SORCS2: variants seen among roughly 807,000 people sequenced by gnomAD.
The protein encoded by SORCS2 is VPS10 domain-containing receptor SorCS2.
Under a neutral mutation model 141.6 loss-of-function variants are expected in SORCS2, and 100 were observed. That is an observed-to-expected ratio of 0.71 (90% CI 0.60 to 0.83). SORCS2 has a LOEUF of 0.83. Ranked by LOEUF, SORCS2 falls within the 40% of genes least tolerant of loss-of-function variation. The probability of loss-of-function intolerance (pLI) is 0.00; values close to 1 mark genes in which losing one functional copy is unlikely to be tolerated. For missense variants in SORCS2, 1,646 were observed against 1,560.2 expected, an observed-to-expected ratio of 1.05 and a Z score of -0.93; for synonymous variants, 789 against 676.9, an observed-to-expected ratio of 1.17 and a Z score of -2.57.
At chr4:7,465,685 G>A (rs755931094) in intron 2 of SORCS2, among the ~76,000 whole-genome samples, 1 of 152,144 alleles carries the variant, frequency 6.6e-6, no homozygotes, top group Non-Finnish European at 1.5e-5. Flanking sequence ...TTCATACATG[G>A]TCCTACTCAC....
intron 1 of SORCS2, among the ~76,000 whole-genome samples, chr4:7,329,663 C>T (rs188724513): frequency 9.6e-4 from 146 of 152,282 alleles, no homozygotes; most frequent in Non-Finnish European, 1.6e-3. Flanking sequence ...AACAAATGCC[C>T]GCAAACTTAC....
intron 3 of SORCS2, among the ~76,000 whole-genome samples, chr4:7,612,199 C>T (rs1447872741): frequency 6.6e-6 from 1 of 152,152 alleles, no homozygotes. Flanking sequence ...GAGTTTCATC[C>T]TGAAAACAAT....
chr4:7,475,162 G>A (rs565889083), intron 2 of SORCS2, among the ~76,000 whole-genome samples: 8 of 152,328 alleles, frequency 5.3e-5, no homozygotes, highest in Non-Finnish European at 8.8e-5. Context: ...ATTCCTTTGA[G>A]AAGTGGATCC....
chr4:7,344,112 A>G (rs1032954145), intron 1 of SORCS2, among the ~76,000 whole-genome samples: 1 of 152,060 alleles, frequency 6.6e-6, no homozygotes, highest in African/African-American at 2.4e-5. Context: ...GGAACCTGAC[A>G]CCCTGCTCTG....
At chr4:7,617,354 G>A (rs1229655552) in intron 3 of SORCS2, among the ~76,000 whole-genome samples, 1 of 151,998 alleles carries the variant, frequency 6.6e-6, no homozygotes. Context: ...ATCAATATAT[G>A]CACCTACCCA....
At chr4:7,731,530 A>T (rs1156785208) in intron 23 of SORCS2, among the ~76,000 whole-genome samples, 1 of 152,246 alleles carries the variant, frequency 6.6e-6, no homozygotes, top group Non-Finnish European at 1.5e-5. Context: ...GCAAAAAGAA[A>T]AAAGCTGGAA....
At chr4:7,220,107 T>C (rs1184551123) in intron 1 of SORCS2, among the ~76,000 whole-genome samples, 1 of 152,326 alleles carries the variant, frequency 6.6e-6, no homozygotes, top group East Asian at 1.9e-4. Context: ...GGAGTTGGGC[T>C]GAGACTTCAC....
chr4:7,684,736 C>T (rs1380303690), intron 10 of SORCS2, among the ~76,000 whole-genome samples: 1 of 126,580 alleles, frequency 7.9e-6, no homozygotes, highest in African/African-American at 3.2e-5. Flanking sequence ...ACACACCAAC[C>T]AGCAAAACAG....
intron 2 of SORCS2, among the ~76,000 whole-genome samples, chr4:7,436,920 A>G (rs1169910147): frequency 6.6e-6 from 1 of 152,028 alleles, no homozygotes; most frequent in East Asian, 1.9e-4. Context: ...TTGAGCAGGT[A>G]CTGCTGGATC....
At chr4:7,491,007 C>G (rs1731283656) in intron 2 of SORCS2, among the ~76,000 whole-genome samples, 1 of 152,196 alleles carries the variant, frequency 6.6e-6, no homozygotes, top group South Asian at 2.1e-4. Context: ...TCCTCTCTGT[C>G]CCTGCCCTGC....
At chr4:7,670,747 C>G (rs1236298227) in intron 8 of SORCS2, among the ~76,000 whole-genome samples, 1 of 152,172 alleles carries the variant, frequency 6.6e-6, no homozygotes. Flanking sequence ...CATCCCCCAC[C>G]CCGGCCCCAT....
intron 2 of SORCS2, among the ~76,000 whole-genome samples, chr4:7,478,942 G>A (rs1432998630): frequency 6.6e-6 from 1 of 152,200 alleles, no homozygotes; most frequent in Non-Finnish European, 1.5e-5. Flanking sequence ...CTCCTCTCCT[G>A]ACGGGCTCTC....
intron 1 of SORCS2, among the ~76,000 whole-genome samples, chr4:7,390,598 A>G (rs1000259217): frequency 1.3e-5 from 2 of 152,170 alleles, no homozygotes; most frequent in Admixed American, 6.5e-5. Context: ...ACCCGGGGCC[A>G]TTGCCGTGCT....
intron 1 of SORCS2, chr4:7,382,044 A>T: frequency 1.1e-6 from 1 of 942,408 alleles, no homozygotes; most frequent in Non-Finnish European, 1.3e-6. Flanking sequence ...CAAAGATGGG[A>T]CCTCGTTCGG....
chr4:7,650,443 G>A (rs1721362345), intron 4 of SORCS2, among the ~76,000 whole-genome samples: 1 of 152,216 alleles, frequency 6.6e-6, no homozygotes, highest in South Asian at 2.1e-4. Flanking sequence ...CGGGAGGCCA[G>A]ATTCCCATTT....
chr4:7,379,044 G>A (rs1054325329), intron 1 of SORCS2, among the ~76,000 whole-genome samples: 8 of 152,106 alleles, frequency 5.3e-5, no homozygotes, highest in Admixed American at 2.6e-4. Context: ...TGATTTACAC[G>A]CTGATCACGC....
intron 2 of SORCS2, among the ~76,000 whole-genome samples, chr4:7,451,067 G>A (rs1728408004): frequency 6.6e-6 from 1 of 151,892 alleles, no homozygotes; most frequent in African/African-American, 2.4e-5. Context: ...TGAATGGATG[G>A]GAGAGTGAGT....
chr4:7,203,015 C>G (rs1400392654), intron 1 of SORCS2, among the ~76,000 whole-genome samples: 1 of 152,172 alleles, frequency 6.6e-6, no homozygotes, highest in Non-Finnish European at 1.5e-5. Flanking sequence ...TGGTTATATG[C>G]ATTTTGCAGC....
intron 1 of SORCS2, among the ~76,000 whole-genome samples, chr4:7,238,163 A>G (rs1367985031): frequency 6.6e-6 from 1 of 152,134 alleles, no homozygotes; most frequent in Non-Finnish European, 1.5e-5. Context: ...CTGTAATCCA[A>G]CTCTTCCATG....
Sources: allele counts gnomAD v4.1 joint callset (sites outside exome capture counted in the v4.1 genomes callset), GRCh38; gene constraint gnomAD v4.1.1; transcripts MANE v1.5; gene names NCBI Gene and HGNC (gene_info 2026-07-23, HGNC 2026-07-21).